The following CSRNP3 variants were observed in gnomAD, a reference collection of about 807,000 sequenced individuals.
CSRNP3 encodes cysteine and serine rich nuclear protein 3.
In CSRNP3, 12 loss-of-function variants were observed where a neutral mutation model predicts 48.0. The ratio of observed to expected loss-of-function variants is 0.25; its 90% CI spans 0.16 to 0.41. The LOEUF (loss-of-function observed/expected upper bound fraction) is 0.41, where lower values mean the gene tolerates loss of function less well. Among genes scored for constraint, CSRNP3 ranks in the 10% least tolerant of loss-of-function variants. The probability of loss-of-function intolerance (pLI) is 1.00; values close to 1 mark genes in which losing one functional copy is unlikely to be tolerated. For missense variants in CSRNP3, 580 were observed against 724.4 expected, an observed-to-expected ratio of 0.80 and a Z score of 2.29; for synonymous variants, 263 against 269.7, an observed-to-expected ratio of 0.98 and a Z score of 0.24.
At chr2:165,556,049 G>A (rs1574835895) in intron 3 of CSRNP3, among the ~76,000 whole-genome samples, 1 of 152,106 alleles carries the variant, frequency 6.6e-6, no homozygotes, top group Non-Finnish European at 1.5e-5. Flanking sequence ...GTGAAAAGGG[G>A]CACCAATGAC....
intron 4 of CSRNP3, among the ~76,000 whole-genome samples, chr2:165,634,333 C>T (rs1406784821): frequency 6.6e-6 from 1 of 151,950 alleles, no homozygotes; most frequent in Admixed American, 6.6e-5. Flanking sequence ...GGAATGAGAT[C>T]CTGTCCAAAA....
chr2:165,666,074 GAGAGAGAA>G (rs1438092448), intron 5 of CSRNP3, among the ~76,000 whole-genome samples: 10 of 130,666 alleles, frequency 7.7e-5, no homozygotes, highest in Non-Finnish European at 1.6e-4. Context: ...AAGAAAGAGA[GAGAGAGAA>G]AGGAAGGAAG....
At chr2:165,478,726 G>T (rs1192979193) in intron 1 of CSRNP3, among the ~76,000 whole-genome samples, 1 of 152,214 alleles carries the variant, frequency 6.6e-6, no homozygotes, top group East Asian at 1.9e-4. Context: ...TGACCTTAAA[G>T]AGCACAGTCT....
At chr2:165,525,646 C>T (rs1216373676) in intron 3 of CSRNP3, among the ~76,000 whole-genome samples, 10 of 151,590 alleles carry the variant, frequency 6.6e-5, no homozygotes, top group South Asian at 2.1e-4. Flanking sequence ...ACACCACGCT[C>T]GGCTAATTTT....
At position 165,688,329 on chromosome 2, in the gene CSRNP3, A is replaced by G. The variant is rs577047190; in HGVS notation, c.*8576A>G. ...AGTTGATCTGCTTTATTTTTAGTTT[A>G]TTGAATTTCTGGTGTACTAGCCTCT... On this transcript the variant is annotated 3_prime_UTR_variant, in exon 7 of 7. Transcript: ENST00000651982. 2 of 152,204 alleles carry G rather than the reference A, an allele frequency of 1.3e-5. No homozygotes were observed. The highest frequency in any genetic ancestry group is 4.1e-4 in the South Asian group (2 of 4,824). The allele number at this position is 152,204 out of a possible 1,614,324, so 9.4% of individuals were successfully genotyped here. A position where few individuals can be genotyped will look rare whatever the true frequency, so the allele number is the denominator to read the frequency against.
chr2:165,653,983 A>T (rs1418184568), intron 4 of CSRNP3, among the ~76,000 whole-genome samples: 1 of 143,324 alleles, frequency 7.0e-6, no homozygotes, highest in Non-Finnish European at 1.5e-5. Flanking sequence ...AAAAAAAAAA[A>T]AAAAAAAAAA....
chr2:165,678,566 T>G, intron 6 of CSRNP3, 135 bp from the exon 7 acceptor site: 1 of 998,850 alleles, frequency 1.0e-6, no homozygotes, highest in Non-Finnish European at 1.4e-6. Context: ...TATTTGAAGT[T>G]TGGTTGTCAT....
At chr2:165,564,522 T>C (rs889892051) in intron 3 of CSRNP3, among the ~76,000 whole-genome samples, 1 of 152,028 alleles carries the variant, frequency 6.6e-6, no homozygotes, top group African/African-American at 2.4e-5. Context: ...TTTATGTTCA[T>C]GTATATTTAA....
intron 3 of CSRNP3, among the ~76,000 whole-genome samples, chr2:165,546,482 A>G (rs1293510465): frequency 3.3e-5 from 5 of 152,058 alleles, no homozygotes; most frequent in Non-Finnish European, 7.4e-5. Context: ...TGAGCCACCA[A>G]GCCTAGCCTC....
rs572628355 is a variant in CSRNP3, at chr2:165,684,769, A to G, written c.*5016A>G. 1 of 152,208 alleles carries G rather than the reference A, an allele frequency of 6.6e-6. No individual in the cohort carries two copies. The highest frequency in any genetic ancestry group is 2.4e-5 in the African/African-American group (1 of 41,568). 9.4% of individuals were successfully genotyped at this position (152,208 alleles called of 1,614,324 possible). On this transcript the variant is annotated 3_prime_UTR_variant, in exon 7 of 7. Coordinates refer to ENST00000651982, the MANE Select transcript of CSRNP3 (RefSeq NM_001172173.2). ...ATCAGCAATTTTAATACCCACTAGA[A>G]TTATGGAAGTATCAGAGTGGAAGTG...
chr2:165,607,611 G>C (rs867738497), intron 4 of CSRNP3, among the ~76,000 whole-genome samples: 1 of 152,102 alleles, frequency 6.6e-6, no homozygotes, highest in Non-Finnish European at 1.5e-5. Flanking sequence ...TTCTCCTGAG[G>C]TATTAAAACA....
chr2:165,613,419 A>AT (rs1455831484), intron 4 of CSRNP3, among the ~76,000 whole-genome samples: 3 of 151,996 alleles, frequency 2.0e-5, no homozygotes, highest in African/African-American at 4.8e-5. Context: ...CCATGTATCT[A>AT]TTTTTGTTTC....
chr2:165,567,916 T>C (rs1685319186), intron 3 of CSRNP3, among the ~76,000 whole-genome samples: 1 of 152,020 alleles, frequency 6.6e-6, no homozygotes, highest in Non-Finnish European at 1.5e-5. Flanking sequence ...TTTAACCAAC[T>C]AAGGCAAATA....
chr2:165,534,428 T>C (rs1454954052), intron 3 of CSRNP3, among the ~76,000 whole-genome samples: 1 of 151,998 alleles, frequency 6.6e-6, no homozygotes, highest in Non-Finnish European at 1.5e-5. Context: ...GGTGAACATG[T>C]AAATTCTTTA....
chr2:165,653,944 T>G (rs1426938928), intron 4 of CSRNP3, among the ~76,000 whole-genome samples: 2 of 113,914 alleles, frequency 1.8e-5, no homozygotes, highest in Non-Finnish European at 3.2e-5. Context: ...TGCACTCCAG[T>G]CTGGGCAACA....
intron 3 of CSRNP3, among the ~76,000 whole-genome samples, chr2:165,570,159 G>C (rs1220377376): frequency 6.6e-6 from 1 of 151,938 alleles, no homozygotes; most frequent in East Asian, 1.9e-4. Context: ...TAAGGCATAA[G>C]ATACTGGAAT....
chr2:165,489,095 T>G (rs1372326977), intron 1 of CSRNP3, among the ~76,000 whole-genome samples: 1 of 147,910 alleles, frequency 6.8e-6, no homozygotes, highest in Non-Finnish European at 1.5e-5. Flanking sequence ...ATAGACACAA[T>G]AAAAAATGAT....
intron 4 of CSRNP3, among the ~76,000 whole-genome samples, chr2:165,646,532 A>C (rs537289122): frequency 1.3e-5 from 2 of 152,284 alleles, no homozygotes; most frequent in African/African-American, 4.8e-5. Flanking sequence ...AACGCAGCAA[A>C]ACAGGTTAGT....
chr2:165,615,579 C>A (rs1484994705), intron 4 of CSRNP3, among the ~76,000 whole-genome samples: 1 of 151,648 alleles, frequency 6.6e-6, no homozygotes, highest in Non-Finnish European at 1.5e-5. Flanking sequence ...TTGTTATATC[C>A]TCTTGCTGAA....
Sources: allele counts gnomAD v4.1 joint callset (sites outside exome capture counted in the v4.1 genomes callset), GRCh38; gene constraint gnomAD v4.1.1; transcripts MANE v1.5; gene names NCBI Gene and HGNC (gene_info 2026-07-23, HGNC 2026-07-21).